Variants in RBFOX1 observed in about 807,000 individuals in gnomAD.
RBFOX1 encodes RNA binding protein fox-1 homolog 1.
RBFOX1 carries 8 observed loss-of-function variants against 57.7 expected under a neutral mutation model. The observed-to-expected ratio is 0.14, with a 90% CI of 0.08 to 0.25. The LOEUF (loss-of-function observed/expected upper bound fraction) is 0.25. Among genes scored for constraint, RBFOX1 ranks in the 10% least tolerant of loss-of-function variants. RBFOX1 has a pLI of 1.00. For missense variants in RBFOX1, 611 were observed against 548.5 expected, an observed-to-expected ratio of 1.11 and a Z score of -1.14; for synonymous variants, 326 against 222.4, an observed-to-expected ratio of 1.47 and a Z score of -4.15.
At chr16:6,831,868 T>A (rs766061278) in intron 3 of RBFOX1, among the ~76,000 whole-genome samples, 5 of 152,184 alleles carry the variant, frequency 3.3e-5, no homozygotes, top group Non-Finnish European at 5.9e-5. Context: ...GCATCATTTA[T>A]GCAGTGAAAG....
intron 3 of RBFOX1, among the ~76,000 whole-genome samples, chr16:5,788,765 C>A (rs1206439044): frequency 6.6e-6 from 1 of 152,046 alleles, no homozygotes; most frequent in East Asian, 1.9e-4. Context: ...ACACAGCATC[C>A]CGAGAGTGAC....
intron 4 of RBFOX1, among the ~76,000 whole-genome samples, chr16:7,149,775 A>C (rs1458040007): frequency 2.0e-5 from 3 of 151,896 alleles, no homozygotes; most frequent in African/African-American, 7.3e-5. Flanking sequence ...CTGTAGCCCC[A>C]GTGACTTTTC....
intron 3 of RBFOX1, among the ~76,000 whole-genome samples, chr16:5,763,743 T>C (rs2053670772): frequency 1.3e-5 from 2 of 152,030 alleles, no homozygotes; most frequent in South Asian, 4.2e-4. Flanking sequence ...GGTAACTCGG[T>C]TGCACTTTAG....
intron 4 of RBFOX1, among the ~76,000 whole-genome samples, chr16:7,464,750 G>A (rs2060198511): frequency 8.0e-6 from 1 of 124,282 alleles, no homozygotes; most frequent in Non-Finnish European, 1.6e-5. Flanking sequence ...AGGCTGGAGT[G>A]CAGTCGCGTG....
chr16:6,159,284 C>G (rs1567584316), intron 1 of RBFOX1, among the ~76,000 whole-genome samples: 1 of 152,188 alleles, frequency 6.6e-6, no homozygotes, highest in East Asian at 1.9e-4. Flanking sequence ...ACCATGTTGG[C>G]CAAGTTGGTC....
chr16:7,376,360 A>G (rs972171462), intron 4 of RBFOX1, among the ~76,000 whole-genome samples: 5 of 152,310 alleles, frequency 3.3e-5, no homozygotes, highest in Middle Eastern at 3.4e-3. Context: ...TCGCTAATGT[A>G]TGACTCAACG....
intron 3 of RBFOX1, among the ~76,000 whole-genome samples, chr16:7,051,166 G>C (rs2049938879): frequency 6.6e-6 from 1 of 152,114 alleles, no homozygotes; most frequent in Non-Finnish European, 1.5e-5. Flanking sequence ...GGTGAATGAA[G>C]ACCTAAATTT....
chr16:6,053,922 G>A (rs184618384), intron 1 of RBFOX1, among the ~76,000 whole-genome samples: 1 of 152,144 alleles, frequency 6.6e-6, no homozygotes, highest in East Asian at 1.9e-4. Flanking sequence ...TAAGCATGGT[G>A]GCATGTACCT....
At chr16:7,215,866 A>T (rs2152815063) in intron 4 of RBFOX1, among the ~76,000 whole-genome samples, 1 of 152,052 alleles carries the variant, frequency 6.6e-6, no homozygotes, top group African/African-American at 2.4e-5. Context: ...CTGGGACTAC[A>T]GGCGTCTGCC....
intron 3 of RBFOX1, among the ~76,000 whole-genome samples, chr16:5,847,924 G>T (rs1287092012): frequency 6.6e-6 from 1 of 152,120 alleles, no homozygotes; most frequent in East Asian, 1.9e-4. Flanking sequence ...AGGGATACAG[G>T]AATAAATAAG....
At chr16:5,426,250 C>G (rs1310956815) in intron 1 of RBFOX1, among the ~76,000 whole-genome samples, 3 of 152,172 alleles carry the variant, frequency 2.0e-5, no homozygotes, top group South Asian at 2.1e-4. Flanking sequence ...TTGGAAGGAG[C>G]TGGCAGAGAC....
intron 3 of RBFOX1, among the ~76,000 whole-genome samples, chr16:5,805,344 C>A (rs546760292): frequency 6.6e-6 from 1 of 152,156 alleles, no homozygotes; most frequent in African/African-American, 2.4e-5. Context: ...AAATTAGCAT[C>A]CATAAGTTCA....
At chr16:7,234,901 A>G (rs1456322053) in intron 4 of RBFOX1, among the ~76,000 whole-genome samples, 2 of 152,110 alleles carry the variant, frequency 1.3e-5, no homozygotes, top group African/African-American at 4.8e-5. Flanking sequence ...ATTCACAGAC[A>G]TCTCCCAATT....
intron 2 of RBFOX1, among the ~76,000 whole-genome samples, chr16:6,554,145 T>C (rs2097049638): frequency 6.6e-6 from 1 of 152,146 alleles, no homozygotes. Context: ...ATTGGCAAAA[T>C]GGGGCACAAG....
intron 4 of RBFOX1, among the ~76,000 whole-genome samples, chr16:7,464,064 C>T (rs1040467719): frequency 2.6e-5 from 4 of 152,188 alleles, no homozygotes; most frequent in Admixed American, 2.6e-4. Context: ...TAACCCATGT[C>T]TTCCTTGTAT....
chr16:6,410,515 G>A (rs925792620), intron 2 of RBFOX1, among the ~76,000 whole-genome samples: 1 of 151,978 alleles, frequency 6.6e-6, no homozygotes, highest in Non-Finnish European at 1.5e-5. Context: ...GTTTCACCGT[G>A]TTAGCCAGGA....
intron 2 of RBFOX1, among the ~76,000 whole-genome samples, chr16:6,365,673 G>C (rs1342148452): frequency 6.6e-6 from 1 of 152,182 alleles, no homozygotes; most frequent in East Asian, 1.9e-4. Context: ...AAGCAATGTG[G>C]TATAGTGGAA....
chr16:5,702,488 G>A (rs990559059), intron 3 of RBFOX1, among the ~76,000 whole-genome samples: 2 of 152,186 alleles, frequency 1.3e-5, no homozygotes, highest in Admixed American at 6.5e-5. Context: ...AATTAGCTAG[G>A]CCAGCGAGGA....
chr16:6,873,416 T>C (rs1333182357), intron 3 of RBFOX1, among the ~76,000 whole-genome samples: 1 of 152,174 alleles, frequency 6.6e-6, no homozygotes, highest in African/African-American at 2.4e-5. Flanking sequence ...GAAGAAGTGC[T>C]CACTATGACT....
Sources: gnomAD v4.1 joint callset for allele counts (sites outside exome capture counted in the v4.1 genomes callset) on GRCh38, gnomAD v4.1.1 for gene constraint, MANE v1.5 for transcripts, NCBI Gene and HGNC (gene_info 2026-07-23, HGNC 2026-07-21) for gene names.